Variants in RBM19 observed in about 807,000 individuals in gnomAD.
RBM19 encodes the protein probable RNA-binding protein 19.
A neutral mutation model predicts 116.8 loss-of-function variants in RBM19; 94 were observed. That is an observed-to-expected ratio of 0.80 (90% confidence interval 0.68 to 0.95). RBM19 has a LOEUF of 0.95. Ranked by LOEUF, RBM19 falls within the 40% of genes least tolerant of loss-of-function variation. The pLI is 0.00. For missense variants in RBM19, 1,161 were observed against 1,220.7 expected, an observed-to-expected ratio of 0.95 and a Z score of 0.73; for synonymous variants, 475 against 494.1, an observed-to-expected ratio of 0.96 and a Z score of 0.51.
chr12:113,817,995 G>A (rs764520124), downstream of RBM19: 1 of 152,000 alleles, frequency 6.6e-6, no homozygotes, highest in South Asian at 2.1e-4. Flanking sequence ...TTGGGAGGCC[G>A]AGGTAGGTGG....
At chr12:113,883,362 C>T (rs1049072944) in intron 21 of RBM19, among the ~76,000 whole-genome samples, 8 of 152,206 alleles carry the variant, frequency 5.3e-5, no homozygotes, top group Admixed American at 3.3e-4. Context: ...TCTTTGATGC[C>T]ACATGTGGGT....
chr12:113,912,679 G>C (rs1882512568), intron 21 of RBM19, among the ~76,000 whole-genome samples: 1 of 152,222 alleles, frequency 6.6e-6, no homozygotes, highest in Non-Finnish European at 1.5e-5. Context: ...CCCGCACACA[G>C]CAAGCGTGTA....
chr12:113,836,082 G>A (rs11611958), intron 23 of RBM19, among the ~76,000 whole-genome samples: 22,371 of 152,202 alleles, frequency 0.15, 1,890 homozygotes, highest in Admixed American at 0.27. Flanking sequence ...CACAGCCAGC[G>A]GCGGACTTTC....
chr12:113,947,558 GGT>G, intron 10 of RBM19, 94 bp from the exon 11 acceptor site: 1 of 1,359,064 alleles, frequency 7.4e-7, no homozygotes, highest in Non-Finnish European at 9.9e-7. Context: ...CAACCTCACA[GGT>G]CATGGGTGTC....
intron 21 of RBM19, among the ~76,000 whole-genome samples, chr12:113,866,621 G>C (rs569762229): frequency 7.1e-4 from 108 of 152,308 alleles, no homozygotes; most frequent in African/African-American, 2.4e-3. Flanking sequence ...GGTAGCATCA[G>C]CATCACCAGG....
intron 17 of RBM19, among the ~76,000 whole-genome samples, chr12:113,925,773 C>T (rs1176721340): frequency 6.6e-6 from 1 of 152,204 alleles, no homozygotes; most frequent in Non-Finnish European, 1.5e-5. Flanking sequence ...TCAGAGGATG[C>T]TCTTGGGCTG....
At chr12:113,962,507 C>A in intron 1 of RBM19, 93 bp from the exon 2 acceptor site, 1 of 1,293,000 alleles carries the variant, frequency 7.7e-7, no homozygotes, top group Non-Finnish European at 1.1e-6. Context: ...CGAGATTCTC[C>A]AAGGGTGGCC....
intron 22 of RBM19, among the ~76,000 whole-genome samples, chr12:113,845,660 A>G (rs1459946587): frequency 1.3e-5 from 2 of 152,072 alleles, no homozygotes; most frequent in Admixed American, 1.3e-4. Context: ...ATGGATTTGC[A>G]TATTCTGGAC....
chr12:113,933,148 A>G (rs1869756136), intron 16 of RBM19, among the ~76,000 whole-genome samples: 1 of 151,890 alleles, frequency 6.6e-6, no homozygotes, highest in South Asian at 2.1e-4. Flanking sequence ...AGACTGGTAC[A>G]GAGAACAGGA....
chr12:113,940,877 C>G (rs1363822951), intron 14 of RBM19, among the ~76,000 whole-genome samples: 1 of 152,258 alleles, frequency 6.6e-6, no homozygotes, highest in Non-Finnish European at 1.5e-5. Flanking sequence ...GCTCCCGCAG[C>G]GACAGCAAGG....
At chr12:113,857,293 G>A (rs1335165661) in intron 22 of RBM19, among the ~76,000 whole-genome samples, 1 of 152,260 alleles carries the variant, frequency 6.6e-6, no homozygotes, top group African/African-American at 2.4e-5. Flanking sequence ...CAATGAGAAG[G>A]AAACGGTGTA....
intron 23 of RBM19, among the ~76,000 whole-genome samples, chr12:113,832,963 T>A (rs1875560877): frequency 6.6e-6 from 1 of 152,066 alleles, no homozygotes; most frequent in Admixed American, 6.6e-5. Context: ...GTTATGGAAG[T>A]GGGGAGGGGG....
intron 13 of RBM19, among the ~76,000 whole-genome samples, chr12:113,942,735 T>C (rs1280706285): frequency 6.6e-6 from 1 of 151,972 alleles, no homozygotes; most frequent in Non-Finnish European, 1.5e-5. Flanking sequence ...TCAGCCTCCC[T>C]GAGTAGCTGG....
chr12:113,941,394 C>T (rs535182218), intron 14 of RBM19, among the ~76,000 whole-genome samples: 45 of 152,344 alleles, frequency 3.0e-4, no homozygotes, highest in African/African-American at 1.0e-3. Context: ...CCCTCTGTGA[C>T]TGTGGTTCCT....
chr12:113,895,768 T>C (rs1372943003), intron 21 of RBM19, among the ~76,000 whole-genome samples: 1 of 151,868 alleles, frequency 6.6e-6, no homozygotes, highest in African/African-American at 2.4e-5. Flanking sequence ...CATGTTTTAA[T>C]TGTGCAACTA....
chr12:113,921,740 C>T (rs1030275457), intron 18 of RBM19, among the ~76,000 whole-genome samples: 1 of 152,130 alleles, frequency 6.6e-6, no homozygotes, highest in African/African-American at 2.4e-5. Context: ...TTTGGAGGCT[C>T]GAGGCTGCAG....
At chr12:113,829,636 C>T (rs916272260) in intron 23 of RBM19, among the ~76,000 whole-genome samples, 1 of 152,232 alleles carries the variant, frequency 6.6e-6, no homozygotes, top group African/African-American at 2.4e-5. Flanking sequence ...TCAGGGTGGA[C>T]AGGACGAGGT....
At chr12:113,963,174 C>A (rs1872641073) in intron 1 of RBM19, among the ~76,000 whole-genome samples, 1 of 152,216 alleles carries the variant, frequency 6.6e-6, no homozygotes, top group African/African-American at 2.4e-5. Flanking sequence ...ACCTGCAAAA[C>A]TGTAAGATAA....
chr12:113,860,474 C>T (rs2135744166), intron 21 of RBM19, among the ~76,000 whole-genome samples: 1 of 152,320 alleles, frequency 6.6e-6, no homozygotes, highest in Admixed American at 6.5e-5. Context: ...GGGTCCAAGT[C>T]TTCAGAAGCC....
Sources: gnomAD v4.1 joint callset for allele counts (sites outside exome capture counted in the v4.1 genomes callset) on GRCh38, gnomAD v4.1.1 for gene constraint, MANE v1.5 for transcripts, NCBI Gene and HGNC (gene_info 2026-07-23, HGNC 2026-07-21) for gene names.